IL1RAPL1: variants seen among roughly 807,000 people sequenced by gnomAD.
The protein encoded by IL1RAPL1 is interleukin-1 receptor accessory protein-like 1.
Under a neutral mutation model 48.4 loss-of-function variants are expected in IL1RAPL1, and 3 were observed. The ratio of observed to expected loss-of-function variants is 0.06; its 90% CI spans 0.03 to 0.16. The LOEUF is 0.16. IL1RAPL1 is among the 10% of genes least tolerant of loss of function. IL1RAPL1 has a pLI of 1.00. For missense variants in IL1RAPL1, 349 were observed against 530.6 expected (o/e 0.66, Z 3.36); for synonymous variants, 185 against 187.7 (o/e 0.99, Z 0.12).
At chrX:29,176,348 T>C (rs1437498042) in intron 2 of IL1RAPL1, among the ~76,000 whole-genome samples, 16 of 106,499 alleles carry the variant, frequency 1.5e-4, no homozygotes, top group Non-Finnish European at 3.1e-4. Flanking sequence ...TCATGATCCA[T>C]CCACCCATGT....
At chrX:29,889,506 GGATT>G (rs1400626907) in intron 6 of IL1RAPL1, among the ~76,000 whole-genome samples, 1 of 111,253 alleles carries the variant, frequency 9.0e-6, no homozygotes, top group African/African-American at 3.3e-5. Context: ...CCAATAATAT[GGATT>G]GATTAAATAA....
chrX:29,691,096 G>A (rs139868269), intron 6 of IL1RAPL1, among the ~76,000 whole-genome samples: 280 of 111,184 alleles, frequency 2.5e-3, no homozygotes, highest in African/African-American at 8.6e-3. Flanking sequence ...AACTGTGTCT[G>A]TTTGCATTTA....
At chrX:28,848,799 T>C (rs1921579087) in intron 2 of IL1RAPL1, among the ~76,000 whole-genome samples, 2 of 111,807 alleles carry the variant, frequency 1.8e-5, no homozygotes, top group African/African-American at 3.3e-5. Flanking sequence ...AAGGAGACTA[T>C]TTTCAGTGCT....
intron 6 of IL1RAPL1, among the ~76,000 whole-genome samples, chrX:29,706,936 C>G (rs1346764637): frequency 9.0e-6 from 1 of 111,484 alleles, no homozygotes; most frequent in Non-Finnish European, 1.9e-5. Context: ...CAAAGATAAA[C>G]AGATGGACTT....
intron 5 of IL1RAPL1, among the ~76,000 whole-genome samples, chrX:29,447,386 A>G (rs1934625262): frequency 9.0e-6 from 1 of 111,071 alleles, no homozygotes; most frequent in Admixed American, 9.6e-5. Flanking sequence ...AAAATAATTT[A>G]TTTCCTCTGA....
At chrX:29,378,721 C>G (rs977804459) in intron 3 of IL1RAPL1, among the ~76,000 whole-genome samples, 5 of 112,365 alleles carry the variant, frequency 4.4e-5, no homozygotes, top group African/African-American at 1.6e-4. Flanking sequence ...GGCTCTTACT[C>G]AGCTGTGCAG....
chrX:28,689,267 T>C (rs1409371223), intron 1 of IL1RAPL1, among the ~76,000 whole-genome samples: 1 of 111,013 alleles, frequency 9.0e-6, no homozygotes, highest in Non-Finnish European at 1.9e-5. Context: ...GTGAAGATAA[T>C]TGAATCATGG....
rs1352204570 is a variant in IL1RAPL1, at chrX:29,908,185, C to CTGCAGGGTTGCAAT, written c.779-9278_779-9265dup. On this transcript the variant is annotated intron_variant, in intron 6 of 10. Transcript: ENST00000378993. ...AATTGCCTTCATCAATTATTTATTG[C>CTGCAGGGTTGCAAT]TGCAGGGTTGCAATAGGCTGAGGTA... Among the ~76,000 whole-genome samples the CTGCAGGGTTGCAAT allele has an allele frequency of 3.6e-5, 4 of 110,274 alleles. 1 individual carries two copies. The Admixed American group carries it at 3.9e-4, about 11-fold the overall frequency.
At chrX:29,668,812 A>G (rs1028300779) in intron 6 of IL1RAPL1, among the ~76,000 whole-genome samples, 5 of 111,764 alleles carry the variant, frequency 4.5e-5, no homozygotes, top group African/African-American at 1.6e-4. Flanking sequence ...TTTCAAACAG[A>G]CACTATGGAA....
intron 5 of IL1RAPL1, among the ~76,000 whole-genome samples, chrX:29,597,209 A>G (rs1164756314): frequency 1.0e-5 from 1 of 100,293 alleles, no homozygotes; most frequent in Non-Finnish European, 2.0e-5. Context: ...GCTGGAGTGC[A>G]ATGGCGCGAT....
intron 3 of IL1RAPL1, among the ~76,000 whole-genome samples, chrX:29,284,035 A>G (rs1932244325): frequency 8.9e-6 from 1 of 112,841 alleles, no homozygotes; most frequent in Non-Finnish European, 1.9e-5. Flanking sequence ...GTATAGTCAT[A>G]TAGAGGGTGT....
At chrX:29,846,290 A>C (rs1345381597) in intron 6 of IL1RAPL1, among the ~76,000 whole-genome samples, 2 of 111,347 alleles carry the variant, frequency 1.8e-5, no homozygotes, top group Non-Finnish European at 3.8e-5. Context: ...TGTTCACCAA[A>C]GGTGTGAACC....
chrX:29,937,143 A>C (rs1428101833), intron 8 of IL1RAPL1, among the ~76,000 whole-genome samples: 1 of 112,073 alleles, frequency 8.9e-6, no homozygotes, highest in African/African-American at 3.2e-5. Flanking sequence ...ACAATTTTCA[A>C]TATTCAGTCT....
chrX:29,656,956 C>G (rs951973812), intron 5 of IL1RAPL1, among the ~76,000 whole-genome samples: 1 of 110,640 alleles, frequency 9.0e-6, no homozygotes, highest in African/African-American at 3.3e-5. Context: ...ATCAGTCCTT[C>G]TCATTTTGGC....
In IL1RAPL1 at chrX:28,873,766, C is replaced by T. The variant is rs370328592; in HGVS notation, c.82+84341C>T. On this transcript the variant is annotated intron_variant, in intron 2 of 10. Coordinates refer to ENST00000378993, the MANE Select transcript of IL1RAPL1 (RefSeq NM_014271.4). ...CAGGATGGTCTGGATCTCCTGACCT[C>T]GTGATCCGCCCGCCTTGGCCTCCCA... Among the ~76,000 whole-genome samples the T allele has an allele frequency of 5.9e-4, 62 of 105,703 alleles. No individual in the cohort carries two copies. The East Asian group carries it at 0.011, about 18-fold the overall frequency. The allele number at this position is 105,703 out of a possible 115,157, so 91.8% of individuals were successfully genotyped here. A position where few individuals can be genotyped will look rare whatever the true frequency, so the allele number is the denominator to read the frequency against.
chrX:29,946,075 T>A (rs1933208225), intron 9 of IL1RAPL1, among the ~76,000 whole-genome samples: 1 of 111,448 alleles, frequency 9.0e-6, no homozygotes, highest in African/African-American at 3.3e-5. Context: ...TAGTCATCAA[T>A]ATCAGTCAAT....
In IL1RAPL1 at chrX:28,771,002, C is replaced by T. The variant is rs1443601378; in HGVS notation, c.-24-18318C>T. Among the ~76,000 whole-genome samples, 3 of 111,873 alleles carry T rather than the reference C, an allele frequency of 2.7e-5. 1 individual carries two copies. On this transcript the variant is annotated intron_variant, in intron 1 of 10. Transcript: ENST00000378993. ...TAGAGAAAATAAGGGTAGTATTTTA[C>T]ATCACAGAGTATTTTGAGATAGGCA...
At chrX:29,146,898 C>A (rs1207553432) in intron 2 of IL1RAPL1, among the ~76,000 whole-genome samples, 1 of 112,485 alleles carries the variant, frequency 8.9e-6, no homozygotes, top group Non-Finnish European at 1.9e-5. Context: ...CTGGAAGAAG[C>A]TACTTCTTTT....
intron 5 of IL1RAPL1, among the ~76,000 whole-genome samples, chrX:29,486,118 A>G (rs1390509937): frequency 9.0e-6 from 1 of 111,185 alleles, no homozygotes; most frequent in Non-Finnish European, 1.9e-5. Flanking sequence ...CGGGATTGAC[A>G]TCAGCAATAC....
Sources: allele counts gnomAD v4.1 joint callset (sites outside exome capture counted in the v4.1 genomes callset), GRCh38; gene constraint gnomAD v4.1.1; transcripts MANE v1.5; gene names NCBI Gene and HGNC (gene_info 2026-07-23, HGNC 2026-07-21).